ADAM23: variants seen among roughly 807,000 people sequenced by gnomAD.
ADAM23 encodes the protein ADAM metallopeptidase domain 23, also known as disintegrin and metalloproteinase domain-containing protein 23.
ADAM23 carries 33 observed loss-of-function variants against 120.1 expected under a neutral mutation model. The ratio of observed to expected loss-of-function variants is 0.27; its 90% CI spans 0.21 to 0.37. The LOEUF (loss-of-function observed/expected upper bound fraction) is 0.37, where lower values mean the gene tolerates loss of function less well. Ranked by LOEUF, ADAM23 falls within the 10% of genes least tolerant of loss-of-function variation. The pLI is 1.00. For synonymous variants in ADAM23, 367 were observed against 375.2 expected (o/e 0.98, Z 0.25); for missense variants, 862 against 1,058.2 (o/e 0.81, Z 2.57).
At chr2:206,461,669 G>A (rs890193010) in intron 2 of ADAM23, among the ~76,000 whole-genome samples, 4 of 152,098 alleles carry the variant, frequency 2.6e-5, no homozygotes, top group Admixed American at 2.6e-4. Context: ...TGATCTGGAT[G>A]CGTTTGTTCT....
intron 3 of ADAM23, among the ~76,000 whole-genome samples, chr2:206,497,680 G>A (rs1262462638): frequency 6.6e-6 from 1 of 152,114 alleles, no homozygotes; most frequent in Non-Finnish European, 1.5e-5. Context: ...AGGGAATAAA[G>A]GGCATTCAAT....
At chr2:206,500,590 T>C in intron 3 of ADAM23, among the ~76,000 whole-genome samples, 1 of 152,190 alleles carries the variant, frequency 6.6e-6, no homozygotes. Flanking sequence ...CAGAGAAGCA[T>C]GGATGCCCAT....
rs183812632 is a variant in ADAM23 at position 206,495,927 on chromosome 2, G to T, written c.509+14619G>T. ...GAAGGCCATTATGTAATGGTAAAGG[G>T]ATCAATTCAACAAGAAGAACTAACT... is the stretch of plus-strand genomic sequence containing the variant. On this transcript the variant is annotated intron_variant, in intron 3 of 25. Transcript: ENST00000264377. Among the ~76,000 whole-genome samples, 745 of 152,232 alleles carry T rather than the reference G, an allele frequency of 4.9e-3. 2 individuals carry two copies. Among genetic ancestry groups the T allele is most frequent in the Middle Eastern group, 0.014 (4 of 294 alleles).
chr2:206,451,606 G>T (rs1458132110), intron 2 of ADAM23, among the ~76,000 whole-genome samples: 1 of 152,164 alleles, frequency 6.6e-6, no homozygotes, highest in Admixed American at 6.5e-5. Flanking sequence ...AGTGACATAG[G>T]CATTTATAGA....
rs1698771632 is a variant in ADAM23 at position 206,608,558 on chromosome 2, G to C, written c.2360-1352G>C. On this transcript the variant is annotated intron_variant, in intron 24 of 25. Coordinates refer to ENST00000264377, the MANE Select transcript of ADAM23 (RefSeq NM_003812.4). ...GGTAGCTGTTTAAACTATTTTTATG[G>C]CTCTCATTATTATTATTATTATTAT... Among the ~76,000 whole-genome samples, 3 of 151,910 alleles carry C rather than the reference G, an allele frequency of 2.0e-5. No homozygotes were observed. In the South Asian group the frequency reaches 6.2e-4, roughly 32 times the overall value.
intron 3 of ADAM23, among the ~76,000 whole-genome samples, chr2:206,523,110 C>T (rs1197808473): frequency 5.9e-5 from 9 of 152,146 alleles, no homozygotes; most frequent in Admixed American, 6.5e-5. Context: ...CACCTCAAGT[C>T]TCCTAACTCT....
intron 3 of ADAM23, among the ~76,000 whole-genome samples, chr2:206,517,513 G>A (rs1696759618): frequency 6.6e-6 from 1 of 152,136 alleles, no homozygotes. Flanking sequence ...AACTGTGGAT[G>A]CAATGTGGTG....
chr2:206,511,574 C>A (rs569068799), intron 3 of ADAM23, among the ~76,000 whole-genome samples: 3 of 152,128 alleles, frequency 2.0e-5, no homozygotes, highest in Admixed American at 6.5e-5. Flanking sequence ...GGGGCATAAT[C>A]AGGACAGTGG....
chr2:206,465,756 T>G (rs904868902), intron 2 of ADAM23, among the ~76,000 whole-genome samples: 1 of 152,212 alleles, frequency 6.6e-6, no homozygotes, highest in African/African-American at 2.4e-5. Flanking sequence ...CTGTGAATTT[T>G]TTTAAAAATT....
rs561495599 is a variant in ADAM23, at chr2:206,552,739, G to A, written c.933+2579G>A. 2.9e-3 allele frequency among the ~76,000 whole-genome samples: 444 copies of A among 152,202 alleles called. 1 individual carries two copies. The highest frequency in any genetic ancestry group is 0.01 in the Middle Eastern group (3 of 292). On this transcript the variant is annotated intron_variant, in intron 9 of 25. Coordinates refer to ENST00000264377, the MANE Select transcript of ADAM23 (RefSeq NM_003812.4). ...TACAGTGATCCAATCTCATCTCGGCGCAACCTGCGCCTCCGCAGCTCAAGT... is the reference window on the plus strand; with the variant it reads ...TACAGTGATCCAATCTCATCTCGGCACAACCTGCGCCTCCGCAGCTCAAGT...
At chr2:206,561,540 CTA>C (rs1697765996) in intron 12 of ADAM23, among the ~76,000 whole-genome samples, 1 of 151,874 alleles carries the variant, frequency 6.6e-6, no homozygotes, top group Non-Finnish European at 1.5e-5. Context: ...GCTCCTCTGT[CTA>C]TGTTAAATTT....
intron 3 of ADAM23, among the ~76,000 whole-genome samples, chr2:206,486,638 A>G (rs1696018679): frequency 3.9e-5 from 6 of 152,084 alleles, no homozygotes; most frequent in Admixed American, 3.9e-4. Context: ...ATCTTGGGCA[A>G]GCTTCTTAAC....
chr2:206,578,834 G>A (rs548067636), intron 18 of ADAM23, among the ~76,000 whole-genome samples: 11 of 152,116 alleles, frequency 7.2e-5, no homozygotes, highest in Admixed American at 1.3e-4. Context: ...CCATAGTGGC[G>A]GTACTAGTTT....
intron 4 of ADAM23, among the ~76,000 whole-genome samples, chr2:206,533,487 G>C (rs1697111442): frequency 2.0e-5 from 3 of 152,234 alleles, no homozygotes; most frequent in Non-Finnish European, 4.4e-5. Context: ...ATAGGCGTGA[G>C]CCACCGTGCC....
chr2:206,565,947 AG>A (rs1340571457), intron 14 of ADAM23, among the ~76,000 whole-genome samples: 3 of 152,146 alleles, frequency 2.0e-5, no homozygotes, highest in African/African-American at 7.2e-5. Context: ...TTTGCACAGT[AG>A]GCCATTATCC....
chr2:206,467,738 A>G (rs1695570420), intron 2 of ADAM23, among the ~76,000 whole-genome samples: 1 of 152,138 alleles, frequency 6.6e-6, no homozygotes, highest in Non-Finnish European at 1.5e-5. Flanking sequence ...TCAACCTGAC[A>G]TTTCCCCTCT....
At chr2:206,449,938 C>T (rs1030219747) in intron 2 of ADAM23, among the ~76,000 whole-genome samples, 8 of 152,208 alleles carry the variant, frequency 5.3e-5, no homozygotes, top group African/African-American at 1.9e-4. Flanking sequence ...GCTTTCTCTA[C>T]TACCTACCAC....
Position 206,571,923 on chromosome 2 carries a change from G to C in ADAM23, c.1656+107G>C. ...GCTTGTCACAAATTTCTTGGGTACA[G>C]TGTACATATTAGCCTGGCAGTTTTC... On this transcript the variant is annotated intron_variant, in intron 17 of 25. Coordinates refer to ENST00000264377, the MANE Select transcript of ADAM23 (RefSeq NM_003812.4). 5.4e-6 allele frequency: 5 copies of C among 932,300 alleles called. No individual in the cohort carries two copies. In the South Asian group the frequency reaches 7.5e-5, roughly 14 times the overall value. 57.8% of individuals were successfully genotyped at this position (932,300 alleles called of 1,614,324 possible).
chr2:206,597,336 C>T (rs1031760869), intron 24 of ADAM23, among the ~76,000 whole-genome samples: 4 of 150,876 alleles, frequency 2.7e-5, no homozygotes, highest in Non-Finnish European at 5.9e-5. Context: ...CCTGCCACTG[C>T]GCCTGGCTAA....
Sources: allele counts gnomAD v4.1 joint callset (sites outside exome capture counted in the v4.1 genomes callset), GRCh38; gene constraint gnomAD v4.1.1; transcripts MANE v1.5; gene names NCBI Gene and HGNC (gene_info 2026-07-23, HGNC 2026-07-21).